CDH19: variants seen among roughly 807,000 people sequenced by gnomAD.
The protein encoded by CDH19 is cadherin-19.
Under a neutral mutation model 64.2 loss-of-function variants are expected in CDH19, and 67 were observed. That is an observed-to-expected ratio of 1.04 (90% CI 0.86 to 1.28). The LOEUF (loss-of-function observed/expected upper bound fraction) is 1.28. CDH19 is among the 50% of genes most tolerant of loss of function. The pLI, the probability that CDH19 is intolerant of heterozygous loss-of-function variation, is 0.00. For missense variants in CDH19, 1,030 were observed against 929.0 expected, an observed-to-expected ratio of 1.11 and a Z score of -1.41; for synonymous variants, 346 against 319.3, an observed-to-expected ratio of 1.08 and a Z score of -0.89.
At chr18:66,594,941 C>T (rs1473698861) in intron 1 of CDH19, among the ~76,000 whole-genome samples, 1 of 150,508 alleles carries the variant, frequency 6.6e-6, no homozygotes, top group Non-Finnish European at 1.5e-5. Context: ...ACCAGCATGG[C>T]ACATGTATAC....
intron 9 of CDH19, among the ~76,000 whole-genome samples, chr18:66,525,329 T>A (rs569203577): frequency 6.6e-6 from 1 of 152,172 alleles, no homozygotes; most frequent in Non-Finnish European, 1.5e-5. Context: ...TTACATGAGC[T>A]ATGCCTTATT....
intron 1 of CDH19, among the ~76,000 whole-genome samples, chr18:66,584,000 G>A (rs1379167236): frequency 1.3e-5 from 2 of 151,968 alleles, no homozygotes; most frequent in Non-Finnish European, 2.9e-5. Context: ...AAATTGACAA[G>A]TGGAATCTAA....
intron 7 of CDH19, among the ~76,000 whole-genome samples, chr18:66,535,842 CAATAT>C (rs941054687): frequency 4.1e-5 from 6 of 145,928 alleles, no homozygotes; most frequent in African/African-American, 1.5e-4. Context: ...ATATTACATA[CAATAT>C]ATGTATGTAT....
chr18:66,534,464 C>T (rs1986579492), intron 8 of CDH19, among the ~76,000 whole-genome samples: 1 of 151,816 alleles, frequency 6.6e-6, no homozygotes, highest in Non-Finnish European at 1.5e-5. Context: ...GTAAAATCAG[C>T]TATAAGAAAA....
chr18:66,511,215 C>G (rs1172602881), intron 10 of CDH19, among the ~76,000 whole-genome samples: 1 of 151,458 alleles, frequency 6.6e-6, no homozygotes, highest in Admixed American at 6.6e-5. Context: ...AAATAAATAT[C>G]ATTTTCTTCC....
chr18:66,563,978 A>T (rs571990409), intron 3 of CDH19, among the ~76,000 whole-genome samples: 12 of 152,048 alleles, frequency 7.9e-5, no homozygotes, highest in Non-Finnish European at 1.6e-4. Context: ...GAATAAGAAG[A>T]GAAATTCATC....
intron 9 of CDH19, among the ~76,000 whole-genome samples, chr18:66,528,582 C>T (rs1223796128): frequency 6.6e-6 from 1 of 152,010 alleles, no homozygotes; most frequent in Non-Finnish European, 1.5e-5. Context: ...TATTTATAGG[C>T]AAGATTTGAT....
At chr18:66,603,374 T>G (rs1334812617) in intron 1 of CDH19, among the ~76,000 whole-genome samples, 1 of 151,582 alleles carries the variant, frequency 6.6e-6, no homozygotes, top group Non-Finnish European at 1.5e-5. Context: ...GTATAAATGT[T>G]ATAATACATA....
chr18:66,574,854 T>G (rs1368798378), intron 1 of CDH19, among the ~76,000 whole-genome samples: 2 of 151,792 alleles, frequency 1.3e-5, no homozygotes, highest in Non-Finnish European at 2.9e-5. Flanking sequence ...AAACAATGCA[T>G]GCCAAATGAC....
At chr18:66,556,189 T>C (rs1016979434) in intron 3 of CDH19, among the ~76,000 whole-genome samples, 2 of 151,610 alleles carry the variant, frequency 1.3e-5, no homozygotes, top group Admixed American at 6.6e-5. Flanking sequence ...ATGCAACATG[T>C]TATGCATATA....
intron 1 of CDH19, among the ~76,000 whole-genome samples, chr18:66,598,531 C>A (rs899703076): frequency 2.0e-5 from 3 of 152,012 alleles, no homozygotes; most frequent in Admixed American, 2.0e-4. Context: ...ATGTCCTTTG[C>A]CCCAATAGGA....
At chr18:66,562,632 G>A (rs192688669) in intron 3 of CDH19, among the ~76,000 whole-genome samples, 2 of 152,032 alleles carry the variant, frequency 1.3e-5, no homozygotes, top group African/African-American at 2.4e-5. Context: ...CTTGTACCAC[G>A]TGCTTGAAAG....
intron 7 of CDH19, among the ~76,000 whole-genome samples, chr18:66,540,765 C>T (rs1233463551): frequency 2.0e-5 from 3 of 152,078 alleles, no homozygotes; most frequent in Non-Finnish European, 2.9e-5. Flanking sequence ...CAAAATGGGA[C>T]CCACCTTGTA....
intron 1 of CDH19, among the ~76,000 whole-genome samples, chr18:66,573,727 T>G (rs974360219): frequency 6.6e-6 from 1 of 151,632 alleles, no homozygotes. Context: ...TATATTATGG[T>G]ATTTTGATAC....
intron 8 of CDH19, among the ~76,000 whole-genome samples, chr18:66,530,336 A>C (rs1367189434): frequency 1.3e-5 from 2 of 152,042 alleles, no homozygotes; most frequent in East Asian, 3.8e-4. Flanking sequence ...TATATGGATT[A>C]TTATCCCCCC....
chr18:66,527,851 C>A (rs1183997753), intron 9 of CDH19, among the ~76,000 whole-genome samples: 1 of 151,320 alleles, frequency 6.6e-6, no homozygotes, highest in African/African-American at 2.4e-5. Flanking sequence ...TAAATTAAAC[C>A]TATTTTTTTT....
rs1987034437 is a variant in CDH19, at chr18:66,544,714, T to C, written c.960+5A>G. ...CTGCAAGGCAAATAATTTTAACATGTCTACCTTTTTTAATATAACTATTCC... is the reference window on the plus strand; with the variant it reads ...CTGCAAGGCAAATAATTTTAACATGCCTACCTTTTTTAATATAACTATTCC... On this transcript the variant is annotated splice_donor_5th_base_variant and intron_variant, in intron 6 of 11. Transcript: ENST00000262150. 2.5e-6 allele frequency: 4 copies of C among 1,582,830 alleles called. No individual in the cohort carries two copies. The highest frequency in any genetic ancestry group is 1.3e-5 in the African/African-American group (1 of 74,098).
intron 9 of CDH19, among the ~76,000 whole-genome samples, chr18:66,518,141 A>C (rs80210660): frequency 0.018 from 2,746 of 152,128 alleles, 35 homozygotes; most frequent in Non-Finnish European, 0.026. Flanking sequence ...GAGGACTATA[A>C]TATTTTATCA....
At chr18:66,544,929 T>C (rs1212113795) in intron 5 of CDH19, 26 bp from the exon 6 acceptor site, 5 of 1,510,608 alleles carry the variant, frequency 3.3e-6, no homozygotes, top group African/African-American at 2.8e-5. Flanking sequence ...TGGAGGTATT[T>C]TGGATAAATA....
Sources: gnomAD v4.1 joint callset for allele counts (sites outside exome capture counted in the v4.1 genomes callset) on GRCh38, gnomAD v4.1.1 for gene constraint, MANE v1.5 for transcripts, NCBI Gene and HGNC (gene_info 2026-07-23, HGNC 2026-07-21) for gene names.